Variants in SPINK5 observed in about 807,000 individuals in gnomAD.
SPINK5 encodes the protein serine protease inhibitor Kazal-type 5.
Under a neutral mutation model 151.8 loss-of-function variants are expected in SPINK5, and 125 were observed. The observed-to-expected ratio is 0.82, with a 90% CI of 0.71 to 0.96. The LOEUF is 0.96. Among genes scored for constraint, SPINK5 ranks in the 40% least tolerant of loss-of-function variants. SPINK5 has a pLI of 0.00. For missense variants in SPINK5, 1,194 were observed against 1,291.9 expected, an observed-to-expected ratio of 0.92 and a Z score of 1.16; for synonymous variants, 374 against 395.3, an observed-to-expected ratio of 0.95 and a Z score of 0.64.
intron 16 of SPINK5, 149 bp from the exon 17 acceptor site, chr5:148,106,888 C>A: frequency 3.2e-6 from 3 of 945,942 alleles, no homozygotes; most frequent in Non-Finnish European, 4.6e-6. Context: ...TGATTGATGA[C>A]GGAAGCTTTG....
intron 7 of SPINK5, among the ~76,000 whole-genome samples, chr5:148,090,015 G>A (rs1753267842): frequency 6.6e-6 from 1 of 151,696 alleles, no homozygotes; most frequent in South Asian, 2.1e-4. Flanking sequence ...AGTAATGTGA[G>A]GCTAATTAAA....
At chr5:148,088,665 G>C in intron 6 of SPINK5, 60 bp downstream of exon 6, 12 of 1,536,278 alleles carry the variant, frequency 7.8e-6, no homozygotes, top group Non-Finnish European at 9.9e-6. Flanking sequence ...ATAGTAAGTA[G>C]GTGCTCTCCT....
At chr5:148,086,266 A>T in intron 4 of SPINK5, 139 bp from the exon 5 acceptor site, 1 of 963,226 alleles carries the variant, frequency 1.0e-6, no homozygotes, top group Non-Finnish European at 1.5e-6. Flanking sequence ...TAAATTTATT[A>T]GCTCAATGTA....
chr5:148,093,008 C>A (rs1753353211), intron 8 of SPINK5, among the ~76,000 whole-genome samples: 1 of 151,862 alleles, frequency 6.6e-6, no homozygotes, highest in African/African-American at 2.4e-5. Flanking sequence ...GCTGTGGTCT[C>A]CCATTTGGGT....
chr5:148,095,786 G>A (rs778168165), intron 9 of SPINK5, 32 bp from the exon 10 acceptor site: 2 of 1,537,444 alleles, frequency 1.3e-6, no homozygotes, highest in South Asian at 1.1e-5. Context: ...AAGATCGGAA[G>A]CATCTCTACT....
intron 26 of SPINK5, among the ~76,000 whole-genome samples, chr5:148,121,143 C>CAAA (rs767012594): frequency 0.26 from 17,716 of 68,202 alleles, 2,703 homozygotes; most frequent in Admixed American, 0.36. Context: ...GACTCTGTCT[C>CAAA]AAAAAAAAAA....
chr5:148,123,913 A>G lies in SPINK5; in HGVS notation c.2619A>G (p.Pro873=), dbSNP rs916616254. The G allele has an allele frequency of 3.1e-6, 5 of 1,613,954 alleles. No individual in the cohort carries two copies. In the African/African-American group the frequency reaches 6.7e-5, roughly 22 times the overall value. ...CTRENNPVRG[P]YGKMHINKCA... is the part of the protein sequence containing the mutation. Reference sequence around the variant, plus strand: ...GAGAAAATAACCCTGTTCGAGGCCCATATGGCAAGATGCACATCAATAAAT... The same window carrying G: ...GAGAAAATAACCCTGTTCGAGGCCCGTATGGCAAGATGCACATCAATAAAT... The change falls in exon 27 of 33, where the codon CCA becomes CCG. Residue 873 remains proline (P), a synonymous_variant. Coordinates refer to ENST00000256084, the MANE Select transcript of SPINK5 (RefSeq NM_006846.4).
At chr5:148,068,017 A>G (rs559235754) in intron 2 of SPINK5, among the ~76,000 whole-genome samples, 30 of 152,238 alleles carry the variant, frequency 2.0e-4, no homozygotes, top group African/African-American at 7.0e-4. Context: ...TTAATAAGGG[A>G]TATATTTTCA....
intron 10 of SPINK5, among the ~76,000 whole-genome samples, chr5:148,096,660 C>T (rs1341924853): frequency 6.6e-6 from 1 of 151,830 alleles, no homozygotes; most frequent in Non-Finnish European, 1.5e-5. Flanking sequence ...AACAGTTCTC[C>T]TAAGTAAGCC....
In SPINK5 at chr5:148,123,914, T is replaced by C. The variant is rs1321875092; in HGVS notation, c.2620T>C (p.Tyr874His). The part of the protein sequence containing the change: ...TRENNPVRGP[Y>H]GKMHINKCAM... ...AGAAAATAACCCTGTTCGAGGCCCA[T>C]ATGGCAAGATGCACATCAATAAATG... is the stretch of plus-strand genomic sequence containing the variant. The change falls in exon 27 of 33, where the codon TAT becomes CAT. Residue 874 changes from tyrosine to histidine, a missense_variant. Physicochemically the swap from Tyr to His is moderately conservative, Grantham distance 83 (BLOSUM62 2). Coordinates refer to ENST00000256084, the MANE Select transcript of SPINK5 (RefSeq NM_006846.4). The C allele has an allele frequency of 1.9e-6, 3 of 1,613,894 alleles. No homozygotes were observed. The highest frequency in any genetic ancestry group is 2.7e-5 in the African/African-American group (2 of 74,898).
chr5:148,101,913 G>A lies in SPINK5; in HGVS notation c.1430+5G>A. 6.2e-7 allele frequency: 1 copy of A among 1,613,484 alleles called. No individual in the cohort carries two copies. Among genetic ancestry groups the A allele is most frequent in the Non-Finnish European group, 8.5e-7 (1 of 1,179,546 alleles). ...CTCCATGTGTGAGGCCTTCTTGTGA[G>A]TAGAGCAGTAGCCCCATAGCGTCTG... On this transcript the variant is annotated splice_donor_5th_base_variant and intron_variant, in intron 15 of 32. Coordinates refer to ENST00000256084, the MANE Select transcript of SPINK5 (RefSeq NM_006846.4).
At chr5:148,072,106 G>A (rs554483986) in intron 3 of SPINK5, 42 bp from the exon 4 acceptor site, 3 of 1,581,662 alleles carry the variant, frequency 1.9e-6, no homozygotes, top group South Asian at 1.1e-5. Flanking sequence ...TAAAAGTTGA[G>A]CAAACAATGT....
At chr5:148,086,862 A>G (rs921308267) in intron 5 of SPINK5, among the ~76,000 whole-genome samples, 1 of 149,878 alleles carries the variant, frequency 6.7e-6, no homozygotes, top group Non-Finnish European at 1.5e-5. Context: ...ATATAGCTTT[A>G]ATATAATAAA....
At chr5:148,106,019 C>T (rs1753774399) in intron 16 of SPINK5, among the ~76,000 whole-genome samples, 1 of 151,866 alleles carries the variant, frequency 6.6e-6, no homozygotes, top group African/African-American at 2.4e-5. Flanking sequence ...TTCTTACTGA[C>T]TCTTTTTTTT....
intron 7 of SPINK5, 126 bp from the exon 8 acceptor site, chr5:148,091,039 G>A (rs1753294442): frequency 1.3e-6 from 1 of 793,156 alleles, no homozygotes; most frequent in Admixed American, 2.2e-5. Flanking sequence ...GGAAATGCTT[G>A]TCTCTTGTAA....
intron 28 of SPINK5, chr5:148,125,400 A>G: frequency 1.2e-6 from 1 of 824,148 alleles, no homozygotes; most frequent in South Asian, 1.5e-5. Context: ...TAGATCCCTG[A>G]GCAATTGTCC....
intron 2 of SPINK5, among the ~76,000 whole-genome samples, chr5:148,069,080 G>A (rs964447338): frequency 1.5e-4 from 23 of 151,938 alleles, no homozygotes; most frequent in African/African-American, 5.6e-4. Context: ...CAGCCTGGGC[G>A]ATAGAGCAAG....
chr5:148,096,499 G>A (rs1472021420), intron 10 of SPINK5, among the ~76,000 whole-genome samples: 1 of 151,894 alleles, frequency 6.6e-6, no homozygotes, highest in African/African-American at 2.4e-5. Flanking sequence ...CATAGAATAT[G>A]AGAACAAAAA....
At chr5:148,103,518 T>C (rs80154008) in intron 15 of SPINK5, among the ~76,000 whole-genome samples, 35 of 152,270 alleles carry the variant, frequency 2.3e-4, no homozygotes, top group African/African-American at 7.2e-4. Flanking sequence ...CAATTTTCCA[T>C]TGGGGAAAGA....
Sources: allele counts gnomAD v4.1 joint callset (sites outside exome capture counted in the v4.1 genomes callset), GRCh38; gene constraint gnomAD v4.1.1; transcripts MANE v1.5; gene names NCBI Gene and HGNC (gene_info 2026-07-23, HGNC 2026-07-21).